Variants in ZNHIT3 observed in about 807,000 individuals in gnomAD.
ZNHIT3 encodes the protein zinc finger HIT domain-containing protein 3.
A neutral mutation model predicts 19.9 loss-of-function variants in ZNHIT3; 27 were observed. The observed-to-expected ratio is 1.36, with a 90% CI of 1.00 to 1.87. The LOEUF is 1.87. ZNHIT3 is among the 40% of genes most tolerant of loss of function. The probability of loss-of-function intolerance (pLI) is 0.00; values close to 1 mark genes in which losing one functional copy is unlikely to be tolerated. For synonymous variants in ZNHIT3, 81 were observed against 65.7 expected (o/e 1.23, Z -1.13); for missense variants, 215 against 185.6 (o/e 1.16, Z -0.92).
intron 2 of ZNHIT3, chr17:36,492,254 C>A (rs1235041433): frequency 6.5e-6 from 1 of 153,996 alleles, no homozygotes; most frequent in Non-Finnish European, 1.4e-5. Context: ...CTTAAGGGAT[C>A]CTCCTGCCTC....
Position 36,486,798 on chromosome 17 carries a change from G to A in ZNHIT3, c.86+13G>A. ...GCCGCGTGCCCTAGTGAGCGGGGAG[G>A]TCGCGGGGTCCAGGGGCGCGGGTGT... On this transcript the variant is annotated intron_variant, in intron 1 of 4. Coordinates refer to ENST00000617429, the MANE Select transcript of ZNHIT3 (RefSeq NM_004773.4). 2 of 1,612,240 alleles carry A rather than the reference G, an allele frequency of 1.2e-6. No individual in the cohort carries two copies. Among genetic ancestry groups the A allele is most frequent in the Non-Finnish European group, 1.7e-6 (2 of 1,179,324 alleles).
At chr17:36,489,287 A>G (rs991008713) in intron 2 of ZNHIT3, 6 of 152,106 alleles carry the variant, frequency 3.9e-5, no homozygotes, top group Non-Finnish European at 7.4e-5. Context: ...GACTGATTTC[A>G]TTTCCTTTGG....
downstream of ZNHIT3, chr17:36,496,151 T>C: frequency 6.8e-7 from 1 of 1,467,536 alleles, no homozygotes; most frequent in Non-Finnish European, 9.4e-7. Flanking sequence ...CATGTGCATT[T>C]GGAGCACTGT....
At chr17:36,497,181 A>C (rs1322078487), downstream of ZNHIT3, among the ~76,000 whole-genome samples, 2 of 151,630 alleles carry the variant, frequency 1.3e-5, no homozygotes, top group African/African-American at 4.8e-5. Flanking sequence ...AATACAAAAA[A>C]AAAAATATAG....
rs60368306 is a variant in ZNHIT3, at chr17:36,491,332, C to CT, written c.119-1473dup. ...TGGCTTAGCTGTAGACTCTCGTTTTCTTTTTTTTCCTTTTTTCGAGACAGG... is the reference window on the plus strand; with the variant it reads ...TGGCTTAGCTGTAGACTCTCGTTTTCTTTTTTTTTCCTTTTTTCGAGACAGG... On this transcript the variant is annotated intron_variant, in intron 2 of 4. Transcript: ENST00000617429. The CT allele has an allele frequency of 6.1e-3, 933 of 151,750 alleles. 7 individuals are homozygous for CT. The highest frequency in any genetic ancestry group is 0.01 in the Middle Eastern group (3 of 292). 9.4% of individuals were successfully genotyped at this position (151,750 alleles called of 1,614,324 possible). A position where few individuals can be genotyped will look rare whatever the true frequency, so the allele number is the denominator to read the frequency against.
intron 4 of ZNHIT3, 128 bp from the exon 5 acceptor site, chr17:36,495,095 T>C: frequency 1.7e-6 from 2 of 1,163,218 alleles, no homozygotes; most frequent in South Asian, 3.5e-5. Context: ...CAGTTGCTGG[T>C]ATTACAGGCA....
intron 1 of ZNHIT3, 56 bp downstream of exon 1, chr17:36,486,841 GCGGGAGGCCGGGAGGC>G: frequency 6.3e-7 from 1 of 1,599,736 alleles, no homozygotes; most frequent in Non-Finnish European, 8.5e-7. Context: ...TGGCGGGAGG[GCGGGAGGCCGGGAGGC>G]CGGGCGGGAG....
At chr17:36,498,638 A>G, downstream of ZNHIT3, 1 of 1,439,754 alleles carries the variant, frequency 6.9e-7, no homozygotes, top group Non-Finnish European at 9.2e-7. Context: ...AACTATCTTT[A>G]ACAAATCATC....
At chr17:36,498,721 C>A (rs568129408), downstream of ZNHIT3, 12 of 709,446 alleles carry the variant, frequency 1.7e-5, no homozygotes, top group African/African-American at 5.3e-5. Flanking sequence ...CCATATGCCA[C>A]AAGTCTATAC....
At chr17:36,496,346 G>T, downstream of ZNHIT3, 1 of 1,614,006 alleles carries the variant, frequency 6.2e-7, no homozygotes, top group South Asian at 1.1e-5. Context: ...TAGGGTGAAG[G>T]TTCAGGGCAG....
chr17:36,497,039 T>C (rs745764388), downstream of ZNHIT3, among the ~76,000 whole-genome samples: 2 of 152,022 alleles, frequency 1.3e-5, no homozygotes, highest in South Asian at 2.1e-4. Context: ...TGGATGCTTA[T>C]ATAAAAACAG....
At chr17:36,489,421 G>A (rs1234020453) in intron 2 of ZNHIT3, 1 of 152,074 alleles carries the variant, frequency 6.6e-6, no homozygotes, top group Non-Finnish European at 1.5e-5. Context: ...ACAGTGCAGT[G>A]TATAAGAGTT....
chr17:36,494,476 G>C (rs764359097), intron 4 of ZNHIT3, among the ~76,000 whole-genome samples: 1 of 152,192 alleles, frequency 6.6e-6, no homozygotes, highest in African/African-American at 2.4e-5. Flanking sequence ...GTTATCACAT[G>C]ATTTGATTTA....
rs763003444 is a variant in ZNHIT3 at position 36,495,249 on chromosome 17, T to C, written c.313T>C (p.Leu105=). ...GGAATCTGCAACATTAAGAAGCTTATTGCTCAATCCACACCTCAGGCAGTT... is the reference window on the plus strand; with the variant it reads ...GGAATCTGCAACATTAAGAAGCTTACTGCTCAATCCACACCTCAGGCAGTT... ...LGESATLRSL[L]LNPHLRQLMV... The change falls in exon 5 of 5, where the codon TTG becomes CTG. Residue 105 remains leucine, a synonymous_variant. Coordinates refer to ENST00000617429, the MANE Select transcript of ZNHIT3 (RefSeq NM_004773.4). 3 of 1,590,416 alleles carry C rather than the reference T, an allele frequency of 1.9e-6. No individual in the cohort carries two copies. The highest frequency in any genetic ancestry group is 1.2e-5 in the South Asian group (1 of 86,740).
rs748847055 is a variant in ZNHIT3 at position 36,492,815 on chromosome 17, C to T, written c.121C>T (p.Gln41Ter). Residue 41 changes from glutamine to a stop codon, truncating the protein, a stop_gained and splice_region_variant, in exon 3 of 5, where the codon CAG becomes TAG. Coordinates refer to ENST00000617429, the MANE Select transcript of ZNHIT3 (RefSeq NM_004773.4). LOFTEE classifies it high-confidence loss of function. Reference protein sequence around the residue: ...SVVCFRKHKEQCNPETRPVEK... With the variant: ...SVVCFRKHKE The stretch of plus-strand genomic sequence containing the variant: ...CCTGGGATTTGTGTCTTTTTCAGAA[C>T]AGTGCAACCCTGAAACTCGTCCTGT... The T allele has an allele frequency of 1.2e-6, 2 of 1,613,556 alleles. No individual in the cohort carries two copies. The highest frequency in any genetic ancestry group is 1.3e-5 in the African/African-American group (1 of 74,976).
chr17:36,488,756 T>C (rs1346780175), intron 2 of ZNHIT3, among the ~76,000 whole-genome samples: 1 of 152,224 alleles, frequency 6.6e-6, no homozygotes, highest in Non-Finnish European at 1.5e-5. Context: ...GATACCTGTA[T>C]ACAATGTTTA....
At chr17:36,490,447 C>CT (rs1192945534) in intron 2 of ZNHIT3, 3 of 152,078 alleles carry the variant, frequency 2.0e-5, no homozygotes, top group Non-Finnish European at 4.4e-5. Context: ...ATCTATGTGT[C>CT]TATTTTTATG....
Position 36,495,705 on chromosome 17 carries a change from A to G in ZNHIT3, c.*301A>G. ...AAACGATATCAAGCTTACACTTCAT[A>G]TGGAGTTAAACTTGGTCAGTGTTAA... On this transcript the variant is annotated 3_prime_UTR_variant, in exon 5 of 5. Coordinates refer to ENST00000617429, the MANE Select transcript of ZNHIT3 (RefSeq NM_004773.4). 3 of 1,256,482 alleles carry G rather than the reference A, an allele frequency of 2.4e-6. No homozygotes were observed. The highest frequency in any genetic ancestry group is 3.7e-5 in the South Asian group (1 of 27,122). The allele number at this position is 1,256,482 out of a possible 1,614,324, so 77.8% of individuals were successfully genotyped here.
intron 2 of ZNHIT3, chr17:36,491,406 A>G (rs921367703): frequency 1.3e-4 from 19 of 151,246 alleles, no homozygotes; most frequent in African/African-American, 4.4e-4. Flanking sequence ...ATCACAGCTC[A>G]TTGCACCCTT....
Sources: allele counts gnomAD v4.1 joint callset (sites outside exome capture counted in the v4.1 genomes callset), GRCh38; gene constraint gnomAD v4.1.1; transcripts MANE v1.5; gene names NCBI Gene and HGNC (gene_info 2026-07-23, HGNC 2026-07-21).